KCNJ5: variants seen among roughly 807,000 people sequenced by gnomAD.
KCNJ5 encodes the protein potassium inwardly rectifying channel subfamily J member 5.
KCNJ5 carries 12 observed loss-of-function variants against 20.2 expected under a neutral mutation model. The observed-to-expected ratio is 0.59, with a 90% CI of 0.38 to 0.96. The LOEUF (loss-of-function observed/expected upper bound fraction) is 0.96. KCNJ5 is among the 40% of genes least tolerant of loss of function. KCNJ5 has a pLI of 0.00. For missense variants in KCNJ5, 449 were observed against 557.6 expected (o/e 0.81, Z 1.96); for synonymous variants, 210 against 213.9 (o/e 0.98, Z 0.16).
In KCNJ5 at chr11:128,911,533, G is replaced by A. The variant is rs747951700; in HGVS notation, c.260G>A (p.Arg87His). Residue 87 changes from arginine to histidine, a missense_variant, in exon 2 of 3, where the codon CGC becomes CAC. Physicochemically the swap from Arg to His is conservative, Grantham distance 29. Coordinates refer to ENST00000529694, the MANE Select transcript of KCNJ5 (RefSeq NM_000890.5). This position sits in a 1 kb window ranked among gnomAD's most constrained non-coding sequence, Gnocchi z 6.3. The part of the protein sequence containing the change: ...LFTTLVDLKW[R>H]FNLLVFTMVY... Reference sequence around the variant, plus strand: ...ACCACCCTGGTGGACCTCAAGTGGCGCTTCAACTTGCTCGTCTTCACCATG... The same window carrying A: ...ACCACCCTGGTGGACCTCAAGTGGCACTTCAACTTGCTCGTCTTCACCATG... The A allele has an allele frequency of 1.2e-5, 19 of 1,614,076 alleles. No homozygotes were observed. The highest frequency in any genetic ancestry group is 3.3e-5 in the Admixed American group (2 of 60,012).
chr11:128,915,848 T>C (rs2136002725), intron 2 of KCNJ5, among the ~76,000 whole-genome samples: 1 of 141,486 alleles, frequency 7.1e-6, no homozygotes, highest in East Asian at 2.1e-4. Flanking sequence ...ACTGGATGGG[T>C]GGACGATTAG....
chr11:128,901,531 C>G (rs1374964474), intron 1 of KCNJ5: 2 of 152,252 alleles, frequency 1.3e-5, no homozygotes, highest in Non-Finnish European at 2.9e-5. Context: ...GCGGCACAGA[C>G]AGGAAAGATG....
chr11:128,899,189 C>T (rs1944225253), intron 1 of KCNJ5, among the ~76,000 whole-genome samples: 1 of 152,158 alleles, frequency 6.6e-6, no homozygotes. Flanking sequence ...GGGCAGTTGA[C>T]TCACCCTCCT....
intron 1 of KCNJ5, among the ~76,000 whole-genome samples, chr11:128,907,125 C>A (rs1004813108): frequency 6.6e-6 from 1 of 152,172 alleles, no homozygotes; most frequent in Non-Finnish European, 1.5e-5. Flanking sequence ...GACATAAGCA[C>A]GCCCTCCTCC....
chr11:128,899,792 A>G (rs941966174), intron 1 of KCNJ5: 1 of 152,176 alleles, frequency 6.6e-6, no homozygotes, highest in Non-Finnish European at 1.5e-5. Flanking sequence ...CTTTTCATAC[A>G]TCTTCTGTGA....
chr11:128,913,148 C>G (rs1817312104), intron 2 of KCNJ5, among the ~76,000 whole-genome samples: 1 of 152,212 alleles, frequency 6.6e-6, no homozygotes, highest in Non-Finnish European at 1.5e-5. Flanking sequence ...TCTCACCAAC[C>G]CCTTACTTGG....
At chr11:128,908,683 T>A (rs537368915) in intron 1 of KCNJ5, among the ~76,000 whole-genome samples, 2 of 152,298 alleles carry the variant, frequency 1.3e-5, no homozygotes, top group African/African-American at 2.4e-5. Flanking sequence ...CAGCAAGCTG[T>A]TTCCCCAAAG....
chr11:128,894,447 T>C (rs1591436823), intron 1 of KCNJ5, among the ~76,000 whole-genome samples: 2 of 152,228 alleles, frequency 1.3e-5, no homozygotes, highest in African/African-American at 4.8e-5. Context: ...AAATGTTCAC[T>C]GTGTATGAGC....
At chr11:128,895,387 C>CCG (rs1555142484) in intron 1 of KCNJ5, among the ~76,000 whole-genome samples, 3 of 150,226 alleles carry the variant, frequency 2.0e-5, no homozygotes, top group Non-Finnish European at 4.5e-5. Flanking sequence ...CCCCCACCCC[C>CCG]CCCCCAACCC....
At chr11:128,915,292 A>T (rs535485546) in intron 2 of KCNJ5, among the ~76,000 whole-genome samples, 124 of 152,348 alleles carry the variant, frequency 8.1e-4, no homozygotes, top group African/African-American at 2.8e-3. Context: ...GCACGGGCTG[A>T]GTAGACAGGG....
Position 128,916,648 on chromosome 11 carries a change from G to GGGCTGGATGCAGA in KCNJ5, c.1183_1195dup (p.Glu399GlyfsTer5). On this transcript the variant is annotated frameshift_variant, in exon 3 of 3. Coordinates refer to ENST00000529694, the MANE Select transcript of KCNJ5 (RefSeq NM_000890.5). LOFTEE classifies it low-confidence loss of function (END_TRUNC). ...ACTGCTGGGGGGCTGTGCTGAGGCAGGGCTGGATGCAGAGGCTGAGCAGAA... is the reference window on the plus strand; with the variant it reads ...ACTGCTGGGGGGCTGTGCTGAGGCAGGGCTGGATGCAGAGGCTGGATGCAGAGGCTGAGCAGAA... 1 of 1,613,446 alleles carries GGGCTGGATGCAGA rather than the reference G, an allele frequency of 6.2e-7. No individual in the cohort carries two copies. The highest frequency in any genetic ancestry group is 8.5e-7 in the Non-Finnish European group (1 of 1,179,766).
intron 1 of KCNJ5, chr11:128,906,175 T>C (rs1449478270): frequency 6.6e-6 from 1 of 152,146 alleles, no homozygotes; most frequent in Non-Finnish European, 1.5e-5. Context: ...GCAGCAGCTC[T>C]TTTTGGTGAG....
rs962355624 is a variant in KCNJ5 at position 128,921,045 on chromosome 11, C to T, written c.*4314C>T. On this transcript the variant is annotated 3_prime_UTR_variant, in exon 3 of 3. Coordinates refer to ENST00000529694, the MANE Select transcript of KCNJ5 (RefSeq NM_000890.5). ...CCTTGGTTTTTGCTAACAACGTCTC[C>T]TTAAACTGCTGTCAAATCTTTTTCT... 14 of 152,376 alleles carry T rather than the reference C, an allele frequency of 9.2e-5. No individual in the cohort carries two copies. The highest frequency in any genetic ancestry group is 1.6e-4 in the Non-Finnish European group (11 of 68,044). 9.4% of individuals were successfully genotyped at this position (152,376 alleles called of 1,614,324 possible).
At chr11:128,907,613 G>GACACAGGAGAGGATGGAAGA (rs1944440307) in intron 1 of KCNJ5, among the ~76,000 whole-genome samples, 1 of 152,180 alleles carries the variant, frequency 6.6e-6, no homozygotes, top group African/African-American at 2.4e-5. Context: ...CCCATTCACA[G>GACACAGGAGAGGATGGAAGA]ACACAGGAGA....
In KCNJ5 at chr11:128,891,441, C is replaced by CACAGAGAGAGAGAGAG. The variant is rs1160699929; in HGVS notation, c.-290_-289insCAGAGAGAGAGAGAGA. 8 of 54,936 alleles carry CACAGAGAGAGAGAGAG rather than the reference C, an allele frequency of 1.5e-4. No homozygotes were observed. Among genetic ancestry groups the CACAGAGAGAGAGAGAG allele is most frequent in the East Asian group, 1.1e-3 (2 of 1,786 alleles). 3.4% of individuals were successfully genotyped at this position (54,936 alleles called of 1,614,324 possible). A position where few individuals can be genotyped will look rare whatever the true frequency, so the allele number is the denominator to read the frequency against. On this transcript the variant is annotated 5_prime_UTR_variant, in exon 1 of 3. Transcript: ENST00000529694. ...ACACACACACACACACACACACACA[C>CACAGAGAGAGAGAGAG]AGAGAGAGAGAGAGAGAGAGAGAGA...
rs1173097090 is a variant in KCNJ5 at position 128,919,973 on chromosome 11, C to G, written c.*3242C>G. ...GTTTAAGATGGGGTCATGCGCTGGTCATTCCCACAGTCTTGAGTATCTCCA... is the reference window on the plus strand; with the variant it reads ...GTTTAAGATGGGGTCATGCGCTGGTGATTCCCACAGTCTTGAGTATCTCCA... On this transcript the variant is annotated 3_prime_UTR_variant, in exon 3 of 3. Coordinates refer to ENST00000529694, the MANE Select transcript of KCNJ5 (RefSeq NM_000890.5). 3 of 152,238 alleles carry G rather than the reference C, an allele frequency of 2.0e-5. No individual in the cohort carries two copies. The highest frequency in any genetic ancestry group is 4.4e-5 in the Non-Finnish European group (3 of 68,064). 9.4% of individuals were successfully genotyped at this position (152,238 alleles called of 1,614,324 possible).
intron 1 of KCNJ5, chr11:128,902,409 T>A: frequency 9.9e-7 from 1 of 1,013,560 alleles, no homozygotes; most frequent in Non-Finnish European, 1.5e-6. Context: ...CCCAAGACAC[T>A]GTTCTCTGCA....
At chr11:128,907,273 C>T (rs1211555804) in intron 1 of KCNJ5, among the ~76,000 whole-genome samples, 1 of 152,120 alleles carries the variant, frequency 6.6e-6, no homozygotes, top group Non-Finnish European at 1.5e-5. Flanking sequence ...TGAAAAGACT[C>T]CCAAGCCAGT....
At chr11:128,899,340 T>C (rs1190791709) in intron 1 of KCNJ5, among the ~76,000 whole-genome samples, 2 of 152,244 alleles carry the variant, frequency 1.3e-5, no homozygotes, top group Admixed American at 6.5e-5. Context: ...GTGACGATAA[T>C]TACTGGGATT....
Sources: allele counts gnomAD v4.1 joint callset (sites outside exome capture counted in the v4.1 genomes callset), GRCh38; gene constraint gnomAD v4.1.1; non-coding constraint Gnocchi (gnomAD v3.1); transcripts MANE v1.5; gene names NCBI Gene and HGNC (gene_info 2026-07-23, HGNC 2026-07-21).